Variants in MIPOL1 observed in about 807,000 individuals in gnomAD.
MIPOL1 encodes mirror-image polydactyly gene 1 protein.
Under a neutral mutation model 60.9 loss-of-function variants are expected in MIPOL1, and 57 were observed. The ratio of observed to expected loss-of-function variants is 0.94; its 90% CI spans 0.76 to 1.17. The LOEUF is 1.17. Ranked by LOEUF, MIPOL1 falls within the 50% of genes most tolerant of loss-of-function variation. MIPOL1 has a pLI of 0.00. For missense variants in MIPOL1, 551 were observed against 511.6 expected, an observed-to-expected ratio of 1.08 and a Z score of -0.74; for synonymous variants, 179 against 168.8, an observed-to-expected ratio of 1.06 and a Z score of -0.47.
chr14:37,498,049 A>G (rs903686805), intron 11 of MIPOL1, among the ~76,000 whole-genome samples: 1 of 152,254 alleles, frequency 6.6e-6, no homozygotes, highest in Non-Finnish European at 1.5e-5. Context: ...AGAATATTTT[A>G]TAGCAATAAA....
At chr14:37,515,458 T>C (rs954475264) in intron 12 of MIPOL1, among the ~76,000 whole-genome samples, 2 of 152,162 alleles carry the variant, frequency 1.3e-5, no homozygotes, top group African/African-American at 4.8e-5. Flanking sequence ...ATTTATACAA[T>C]ACAAACTAAT....
intron 11 of MIPOL1, among the ~76,000 whole-genome samples, chr14:37,440,572 C>T (rs942910281): frequency 1.3e-5 from 2 of 152,032 alleles, no homozygotes; most frequent in African/African-American, 2.4e-5. Flanking sequence ...TAATGACTTC[C>T]GGTTCCATTC....
Position 37,221,748 on chromosome 14 carries a change from C to T in MIPOL1, c.-199+23644C>T, listed in dbSNP as rs535863259. 3.0e-4 allele frequency among the ~76,000 whole-genome samples: 45 copies of T among 152,270 alleles called. 1 individual carries two copies. In the South Asian group the frequency reaches 8.9e-3, roughly 30 times the overall value. Reference sequence around the variant, plus strand: ...GAACTAATTACCTTCCACAAGGACCCTCCTCCAACACTGAGGATTACAGTT... The same window carrying T: ...GAACTAATTACCTTCCACAAGGACCTTCCTCCAACACTGAGGATTACAGTT... On this transcript the variant is annotated intron_variant, in intron 1 of 12. Coordinates refer to ENST00000684589, the MANE Select transcript of MIPOL1 (RefSeq NM_001388067.1).
At chr14:37,494,621 G>C (rs1299976859) in intron 11 of MIPOL1, among the ~76,000 whole-genome samples, 1 of 152,082 alleles carries the variant, frequency 6.6e-6, no homozygotes, top group African/African-American at 2.4e-5. Context: ...CATAAAGACT[G>C]TAGGTTCAAA....
intron 1 of MIPOL1, among the ~76,000 whole-genome samples, chr14:37,216,008 A>C (rs1197688997): frequency 1.3e-5 from 2 of 150,744 alleles, no homozygotes; most frequent in Admixed American, 1.3e-4. Flanking sequence ...GGTTTCAGTA[A>C]GCCAAGATCA....
intron 12 of MIPOL1, among the ~76,000 whole-genome samples, chr14:37,542,995 C>T (rs1198113520): frequency 6.6e-6 from 1 of 152,052 alleles, no homozygotes; most frequent in Non-Finnish European, 1.5e-5. Flanking sequence ...CACACATATT[C>T]CCCCCACACA....
chr14:37,390,768 T>C (rs796757309), intron 10 of MIPOL1, among the ~76,000 whole-genome samples: 2 of 151,928 alleles, frequency 1.3e-5, no homozygotes, highest in South Asian at 4.1e-4. Context: ...AGAGGAGATG[T>C]AGCTGAGAGA....
intron 12 of MIPOL1, among the ~76,000 whole-genome samples, chr14:37,532,426 A>G (rs2095485276): frequency 6.6e-6 from 1 of 152,202 alleles, no homozygotes; most frequent in South Asian, 2.1e-4. Context: ...TAAAGAAAAG[A>G]TGTATGTGAT....
At chr14:37,497,101 C>T (rs2095143064) in intron 11 of MIPOL1, among the ~76,000 whole-genome samples, 1 of 152,134 alleles carries the variant, frequency 6.6e-6, no homozygotes, top group Admixed American at 6.5e-5. Flanking sequence ...ATGTAGAAAG[C>T]TGAAACTGGA....
In MIPOL1 at chr14:37,547,308, A is replaced by G; in HGVS notation, c.*337A>G. 9.4e-6 allele frequency: 2 copies of G among 213,532 alleles called. No homozygotes were observed. The allele number at this position is 213,532 out of a possible 1,614,324, so 13.2% of individuals were successfully genotyped here. The stretch of plus-strand genomic sequence containing the variant: ...AAACATGTTAAAGTTGGTTAGGATC[A>G]TATCTTCACATATGGCCCTTTCTGA... On this transcript the variant is annotated 3_prime_UTR_variant, in exon 13 of 13. Transcript: ENST00000684589.
At chr14:37,202,188 C>T (rs1965446855) in intron 1 of MIPOL1, among the ~76,000 whole-genome samples, 1 of 152,134 alleles carries the variant, frequency 6.6e-6, no homozygotes, top group South Asian at 2.1e-4. Context: ...TAGATATATG[C>T]TAATACTAAT....
At chr14:37,415,185 C>T (rs986603855) in intron 10 of MIPOL1, among the ~76,000 whole-genome samples, 4 of 152,170 alleles carry the variant, frequency 2.6e-5, no homozygotes, top group Admixed American at 1.3e-4. Context: ...ACTAAATGGA[C>T]TAACATCCAA....
chr14:37,490,497 T>C (rs985691277), intron 11 of MIPOL1, among the ~76,000 whole-genome samples: 1 of 151,880 alleles, frequency 6.6e-6, no homozygotes, highest in Non-Finnish European at 1.5e-5. Flanking sequence ...CACCGGGGTA[T>C]AGAAAAAAAA....
chr14:37,271,922 A>G (rs1369573332), intron 6 of MIPOL1, among the ~76,000 whole-genome samples: 1 of 151,564 alleles, frequency 6.6e-6, no homozygotes, highest in East Asian at 1.9e-4. Context: ...TGGAGGGGAA[A>G]CCTAATTAAG....
intron 10 of MIPOL1, among the ~76,000 whole-genome samples, chr14:37,374,439 T>G (rs2092720774): frequency 6.6e-6 from 1 of 152,208 alleles, no homozygotes; most frequent in Admixed American, 6.5e-5. Context: ...TTTTGGTGTT[T>G]TAGTCATGAA....
chr14:37,285,827 T>C (rs959273070), intron 7 of MIPOL1, among the ~76,000 whole-genome samples: 1 of 151,976 alleles, frequency 6.6e-6, no homozygotes, highest in African/African-American at 2.4e-5. Flanking sequence ...CTCCTGACCT[T>C]GTGATCTGCC....
intron 9 of MIPOL1, among the ~76,000 whole-genome samples, chr14:37,311,085 C>A (rs2087276815): frequency 1.3e-5 from 2 of 152,134 alleles, no homozygotes; most frequent in Non-Finnish European, 2.9e-5. Context: ...ATATGACACT[C>A]TCAGGGGGAA....
At chr14:37,267,319 C>T (rs2082953182) in intron 4 of MIPOL1, 150 bp downstream of exon 4, 2 of 592,354 alleles carry the variant, frequency 3.4e-6, no homozygotes, top group South Asian at 2.0e-5. Flanking sequence ...GAAACCCTGT[C>T]TCTACTGAAA....
chr14:37,432,545 C>G (rs1007771564), intron 11 of MIPOL1, among the ~76,000 whole-genome samples: 1 of 151,798 alleles, frequency 6.6e-6, no homozygotes, highest in Non-Finnish European at 1.5e-5. Flanking sequence ...GTTATTTACA[C>G]GGATGTGGGT....
Sources: gnomAD v4.1 joint callset for allele counts (sites outside exome capture counted in the v4.1 genomes callset) on GRCh38, gnomAD v4.1.1 for gene constraint, MANE v1.5 for transcripts, NCBI Gene and HGNC (gene_info 2026-07-23, HGNC 2026-07-21) for gene names.